The following NTM variants were observed in gnomAD, a reference collection of about 807,000 sequenced individuals.
The protein encoded by NTM is neurotrimin, also known as IgLON family member 2.
Under a neutral mutation model 42.1 loss-of-function variants are expected in NTM, and 13 were observed. That is an observed-to-expected ratio of 0.31 (90% CI 0.20 to 0.49). The LOEUF is 0.49. Among genes scored for constraint, NTM ranks in the 20% least tolerant of loss-of-function variants. NTM has a pLI of 0.99. For synonymous variants in NTM, 187 were observed against 179.2 expected (o/e 1.04, Z -0.35); for missense variants, 373 against 452.8 (o/e 0.82, Z 1.60).
rs1393967360 is a variant in NTM, at chr11:131,689,062, A to AAGG, written c.83-222501_83-222500insGGA. Among the ~76,000 whole-genome samples, 475 of 142,278 alleles carry AAGG rather than the reference A, an allele frequency of 3.3e-3. 2 individuals carry two copies. The highest frequency in any genetic ancestry group is 0.014 in the African/African-American group (456 of 32,082). 93.3% of individuals were successfully genotyped at this position (142,278 alleles called of 152,430 possible). ...TTCAGTGAAAACGAGAGCTACCAAT[A>AAGG]AATTGGATGTTTGTTAAGGAAAATC... On this transcript the variant is annotated intron_variant, in intron 1 of 8. Transcript: ENST00000683400.
intron 1 of NTM, among the ~76,000 whole-genome samples, chr11:131,790,135 T>C (rs1174385857): frequency 6.6e-6 from 1 of 152,054 alleles, no homozygotes; most frequent in Non-Finnish European, 1.5e-5. Flanking sequence ...ATTATGAATA[T>C]GGACATAGAA....
At chr11:132,038,035 C>T (rs531399759) in intron 2 of NTM, among the ~76,000 whole-genome samples, 1 of 152,354 alleles carries the variant, frequency 6.6e-6, no homozygotes, top group South Asian at 2.1e-4. Context: ...TGCATGTGTG[C>T]ACACACATGG....
intron 1 of NTM, among the ~76,000 whole-genome samples, chr11:131,757,896 T>C (rs1166751628): frequency 5.3e-5 from 8 of 152,292 alleles, no homozygotes; most frequent in East Asian, 3.9e-4. Context: ...AAAATGCCAT[T>C]ATGGAAAGTA....
intron 1 of NTM, among the ~76,000 whole-genome samples, chr11:131,643,601 G>A (rs976752176): frequency 2.0e-5 from 3 of 152,196 alleles, no homozygotes; most frequent in African/African-American, 4.8e-5. Context: ...AGATTGCAGT[G>A]AGCCTAATCA....
At chr11:132,042,314 C>T (rs1270426902) in intron 2 of NTM, among the ~76,000 whole-genome samples, 2 of 152,174 alleles carry the variant, frequency 1.3e-5, no homozygotes, top group African/African-American at 4.8e-5. Flanking sequence ...TCTAGAGCAG[C>T]TATGGCTACT....
intron 2 of NTM, among the ~76,000 whole-genome samples, chr11:132,128,741 C>T (rs926434050): frequency 4.0e-5 from 6 of 150,726 alleles, no homozygotes; most frequent in South Asian, 2.1e-4. Flanking sequence ...GGTGAAACCC[C>T]GTCTCTACTA....
chr11:132,328,484 T>TG (rs1565494389), intron 7 of NTM, among the ~76,000 whole-genome samples: 53 of 151,116 alleles, frequency 3.5e-4, no homozygotes, highest in African/African-American at 1.3e-3. Context: ...TGAGGTTTTT[T>TG]TGGGGGGGTC....
intron 1 of NTM, among the ~76,000 whole-genome samples, chr11:131,664,401 C>T: frequency 6.6e-6 from 1 of 152,184 alleles, no homozygotes; most frequent in East Asian, 1.9e-4. Flanking sequence ...CTTGATTTTT[C>T]TAATGAGGTC....
At chr11:132,320,050 A>C (rs1054497677) in intron 7 of NTM, among the ~76,000 whole-genome samples, 3 of 152,238 alleles carry the variant, frequency 2.0e-5, no homozygotes, top group Non-Finnish European at 4.4e-5. Flanking sequence ...CCTGCAGATG[A>C]GGGTCCTGTC....
intron 2 of NTM, among the ~76,000 whole-genome samples, chr11:132,022,829 G>T (rs943557566): frequency 3.0e-4 from 46 of 152,184 alleles, no homozygotes; most frequent in African/African-American, 1.1e-3. Context: ...CAATTCAAAG[G>T]CTGTTAAGAC....
chr11:131,475,409 C>A (rs902878061), intron 1 of NTM, among the ~76,000 whole-genome samples: 2 of 152,102 alleles, frequency 1.3e-5, no homozygotes, highest in Admixed American at 6.6e-5. Context: ...AGCTCCCACA[C>A]ATGAGAAGGG....
intron 1 of NTM, among the ~76,000 whole-genome samples, chr11:131,649,071 G>A (rs1047305889): frequency 6.6e-6 from 1 of 152,124 alleles, no homozygotes; most frequent in African/African-American, 2.4e-5. Context: ...ACAGGTGCAC[G>A]GGGGAAGGTT....
intron 2 of NTM, among the ~76,000 whole-genome samples, chr11:132,079,533 T>A (rs1056967728): frequency 2.6e-5 from 4 of 152,244 alleles, no homozygotes; most frequent in African/African-American, 4.8e-5. Flanking sequence ...TATCTCCTGG[T>A]GCAGCCATTT....
intron 1 of NTM, among the ~76,000 whole-genome samples, chr11:131,507,989 T>A (rs2047710864): frequency 6.6e-6 from 1 of 152,026 alleles, no homozygotes. Flanking sequence ...GGACTTCATG[T>A]CTAAAACACA....
chr11:131,939,163 G>A (rs994888977), intron 2 of NTM, among the ~76,000 whole-genome samples: 5 of 152,088 alleles, frequency 3.3e-5, no homozygotes, highest in African/African-American at 1.2e-4. Context: ...GGAGTCCTGA[G>A]CTTTTGCAAT....
chr11:132,217,398 A>ATGTG (rs2084114446), intron 4 of NTM, among the ~76,000 whole-genome samples: 8 of 117,586 alleles, frequency 6.8e-5, no homozygotes, highest in African/African-American at 2.5e-4. Flanking sequence ...GTGTATGTGT[A>ATGTG]TGTGTATGTG....
chr11:132,106,824 G>A (rs2062434072), intron 2 of NTM, among the ~76,000 whole-genome samples: 3 of 152,140 alleles, frequency 2.0e-5, no homozygotes, highest in Admixed American at 2.0e-4. Flanking sequence ...CGCTGCCTGT[G>A]AAAAGCCCAG....
At chr11:131,782,876 T>C (rs1372448450) in intron 1 of NTM, among the ~76,000 whole-genome samples, 1 of 152,166 alleles carries the variant, frequency 6.6e-6, no homozygotes, top group Non-Finnish European at 1.5e-5. Flanking sequence ...GCTATTATCA[T>C]ACTTCGTAGA....
chr11:132,104,597 T>G (rs2062050191), intron 2 of NTM, among the ~76,000 whole-genome samples: 1 of 100,072 alleles, frequency 1.0e-5, no homozygotes, highest in African/African-American at 4.4e-5. Context: ...CCAAAAATAA[T>G]AATAACTAAT....
Sources: gnomAD v4.1 joint callset for allele counts (sites outside exome capture counted in the v4.1 genomes callset) on GRCh38, gnomAD v4.1.1 for gene constraint, MANE v1.5 for transcripts, NCBI Gene and HGNC (gene_info 2026-07-23, HGNC 2026-07-21) for gene names.